The following ECHDC1 variants were observed in gnomAD, a reference collection of about 807,000 sequenced individuals.
ECHDC1 encodes ethylmalonyl-CoA decarboxylase.
A neutral mutation model predicts 29.7 loss-of-function variants in ECHDC1; 29 were observed. That is an observed-to-expected ratio of 0.98 (90% CI 0.73 to 1.33). ECHDC1 has a LOEUF of 1.33. ECHDC1 is among the 40% of genes most tolerant of loss of function. ECHDC1 has a pLI of 0.00. For missense variants in ECHDC1, 328 were observed against 350.0 expected (o/e 0.94, Z 0.50); for synonymous variants, 126 against 123.1 (o/e 1.02, Z -0.15).
intron 5 of ECHDC1, among the ~76,000 whole-genome samples, chr6:127,290,740 G>A (rs897719140): frequency 3.9e-5 from 6 of 152,204 alleles, no homozygotes; most frequent in African/African-American, 1.2e-4. Context: ...CCAGTGCCAG[G>A]TGGTGGTTTA....
intron 5 of ECHDC1, among the ~76,000 whole-genome samples, chr6:127,312,623 C>T (rs1782031576): frequency 6.6e-6 from 1 of 152,174 alleles, no homozygotes; most frequent in African/African-American, 2.4e-5. Flanking sequence ...CACACAAATA[C>T]TTATACATGA....
intron 5 of ECHDC1, among the ~76,000 whole-genome samples, chr6:127,295,154 G>A (rs564244047): frequency 1.3e-5 from 2 of 152,094 alleles, no homozygotes; most frequent in Admixed American, 6.6e-5. Context: ...TCACCATGTT[G>A]GCCAGGCTGG....
intron 5 of ECHDC1, among the ~76,000 whole-genome samples, chr6:127,303,186 T>C (rs1312261020): frequency 3.3e-5 from 5 of 152,030 alleles, no homozygotes; most frequent in African/African-American, 1.2e-4. Context: ...ACTGAAACTT[T>C]TCTCATTCTA....
intron 5 of ECHDC1, among the ~76,000 whole-genome samples, chr6:127,303,239 TA>T (rs1357822492): frequency 6.8e-6 from 1 of 146,984 alleles, no homozygotes; most frequent in Non-Finnish European, 1.5e-5. Context: ...GTCAAAAAAA[TA>T]AAAAATATAT....
chr6:127,308,539 G>C (rs769336825), intron 5 of ECHDC1, among the ~76,000 whole-genome samples: 11 of 152,152 alleles, frequency 7.2e-5, no homozygotes, highest in Non-Finnish European at 1.6e-4. Context: ...CAGACCTTCA[G>C]TTAGTATCAT....
In ECHDC1 at chr6:127,341,227, A is replaced by G. The variant is rs73582056; in HGVS notation, c.-3+2109T>C. ...GTCTGTGCCAGAAAAACCTGAGAACACTGCTTAAGCCTGCTAGATTCACTG... is the reference window on the plus strand; with the variant it reads ...GTCTGTGCCAGAAAAACCTGAGAACGCTGCTTAAGCCTGCTAGATTCACTG... On this transcript the variant is annotated intron_variant, in intron 1 of 5. Transcript: ENST00000454859. Among the ~76,000 whole-genome samples the G allele has an allele frequency of 3.3e-3, 508 of 152,260 alleles. 6 individuals carry two copies. Among genetic ancestry groups the G allele is most frequent in the African/African-American group, 0.012 (478 of 41,536 alleles).
chr6:127,290,356 G>C, intron 5 of ECHDC1, 79 bp from the exon 6 acceptor site: 1 of 1,400,604 alleles, frequency 7.1e-7, no homozygotes, highest in Non-Finnish European at 9.6e-7. Context: ...TTCATGATCT[G>C]ATGTGAATTC....
chr6:127,340,689 T>C (rs1784855862), intron 1 of ECHDC1, among the ~76,000 whole-genome samples: 1 of 151,910 alleles, frequency 6.6e-6, no homozygotes, highest in Non-Finnish European at 1.5e-5. Context: ...TTGATAACTT[T>C]AGAATAAAAG....
intron 5 of ECHDC1, among the ~76,000 whole-genome samples, chr6:127,310,350 C>T (rs1162233256): frequency 1.3e-5 from 2 of 151,376 alleles, no homozygotes; most frequent in Non-Finnish European, 2.9e-5. Context: ...TCTCATGTAC[C>T]CCATAAATAT....
intron 3 of ECHDC1, among the ~76,000 whole-genome samples, chr6:127,322,056 G>A (rs1485330239): frequency 1.3e-5 from 2 of 151,050 alleles, no homozygotes; most frequent in East Asian, 3.9e-4. Context: ...CTGTAATCCT[G>A]GCACTTTGGG....
At chr6:127,306,532 G>C (rs1781453024) in intron 5 of ECHDC1, among the ~76,000 whole-genome samples, 1 of 152,134 alleles carries the variant, frequency 6.6e-6, no homozygotes, top group Admixed American at 6.5e-5. Context: ...TTGTTTAAAA[G>C]TGTGTAGTAC....
At chr6:127,341,218 C>T (rs995079674) in intron 1 of ECHDC1, among the ~76,000 whole-genome samples, 2 of 152,124 alleles carry the variant, frequency 1.3e-5, no homozygotes, top group African/African-American at 4.8e-5. Flanking sequence ...GCCAGAAAAA[C>T]CTGAGAACAC....
At chr6:127,321,171 A>G (rs1782794452) in intron 3 of ECHDC1, among the ~76,000 whole-genome samples, 1 of 152,188 alleles carries the variant, frequency 6.6e-6, no homozygotes, top group South Asian at 2.1e-4. Context: ...ATTGTCATAT[A>G]TTTCAGTTAT....
intron 5 of ECHDC1, chr6:127,294,426 CT>C (rs1780430045): frequency 6.6e-6 from 1 of 152,182 alleles, no homozygotes; most frequent in East Asian, 1.9e-4. Flanking sequence ...CACTTTCTCC[CT>C]TTTGTTTTCT....
chr6:127,322,260 C>T (rs796729744), intron 3 of ECHDC1, among the ~76,000 whole-genome samples: 23 of 151,884 alleles, frequency 1.5e-4, no homozygotes, highest in African/African-American at 4.6e-4. Flanking sequence ...GAGTCGAGAT[C>T]GCTGCCACTG....
intron 1 of ECHDC1, chr6:127,342,218 C>T: frequency 2.4e-6 from 2 of 841,400 alleles, no homozygotes; most frequent in Middle Eastern, 2.4e-4. Context: ...GTTTTTTAAC[C>T]AGTTCTTCCC....
chr6:127,294,239 G>A (rs748824491), intron 5 of ECHDC1, among the ~76,000 whole-genome samples: 6 of 151,998 alleles, frequency 3.9e-5, no homozygotes, highest in Non-Finnish European at 8.8e-5. Flanking sequence ...GGCCAGAAAC[G>A]GCTAGTCCTT....
At chr6:127,328,211 T>C (rs1284134434) in intron 2 of ECHDC1, among the ~76,000 whole-genome samples, 2 of 152,368 alleles carry the variant, frequency 1.3e-5, no homozygotes, top group East Asian at 3.9e-4. Flanking sequence ...CTATCCTTTC[T>C]TATGGCTAAT....
At chr6:127,337,261 A>T (rs535142592) in intron 1 of ECHDC1, among the ~76,000 whole-genome samples, 2 of 152,202 alleles carry the variant, frequency 1.3e-5, no homozygotes, top group Non-Finnish European at 2.9e-5. Flanking sequence ...TTCTTTCCAG[A>T]TCCAGGAGAT....
Sources: allele counts gnomAD v4.1 joint callset (sites outside exome capture counted in the v4.1 genomes callset), GRCh38; gene constraint gnomAD v4.1.1; transcripts MANE v1.5; gene names NCBI Gene and HGNC (gene_info 2026-07-23, HGNC 2026-07-21).